DDX10: variants seen among roughly 807,000 people sequenced by gnomAD.
The protein encoded by DDX10 is probable ATP-dependent RNA helicase DDX10.
Under a neutral mutation model 104.3 loss-of-function variants are expected in DDX10, and 74 were observed. The observed-to-expected ratio is 0.71, with a 90% CI of 0.59 to 0.86. DDX10 has a LOEUF of 0.86. Ranked by LOEUF, DDX10 falls within the 40% of genes least tolerant of loss-of-function variation. The probability of loss-of-function intolerance (pLI) is 0.00; values close to 1 mark genes in which losing one functional copy is unlikely to be tolerated. For missense variants in DDX10, 952 were observed against 1,040.0 expected, an observed-to-expected ratio of 0.92 and a Z score of 1.16; for synonymous variants, 351 against 353.4, an observed-to-expected ratio of 0.99 and a Z score of 0.08.
intron 13 of DDX10, among the ~76,000 whole-genome samples, chr11:108,746,503 A>G (rs1231925192): frequency 6.6e-6 from 1 of 152,188 alleles, no homozygotes; most frequent in East Asian, 1.9e-4. Context: ...GCTGCTACAA[A>G]CATTGATGTA....
intron 15 of DDX10, among the ~76,000 whole-genome samples, chr11:108,851,621 T>G (rs1175296198): frequency 6.7e-6 from 1 of 149,284 alleles, no homozygotes; most frequent in Non-Finnish European, 1.5e-5. Context: ...AAGTCACATC[T>G]GTTAATGTTT....
chr11:108,822,206 C>T, intron 13 of DDX10: 1 of 194,872 alleles, frequency 5.1e-6, no homozygotes, highest in Non-Finnish European at 1.0e-5. Flanking sequence ...ATCAGGACTG[C>T]CCAACAAAAT....
chr11:108,792,345 T>A (rs1861881913), intron 13 of DDX10, among the ~76,000 whole-genome samples: 1 of 152,216 alleles, frequency 6.6e-6, no homozygotes, highest in Non-Finnish European at 1.5e-5. Context: ...CTTAACAAGG[T>A]CACAAAGGTT....
chr11:108,757,215 C>T (rs1171016438), intron 13 of DDX10, among the ~76,000 whole-genome samples: 1 of 152,082 alleles, frequency 6.6e-6, no homozygotes, highest in East Asian at 1.9e-4. Context: ...TTTCCTCTCT[C>T]TCTGCAAGAA....
intron 15 of DDX10, among the ~76,000 whole-genome samples, chr11:108,846,479 T>A (rs896857286): frequency 2.0e-5 from 3 of 152,188 alleles, no homozygotes; most frequent in Non-Finnish European, 4.4e-5. Context: ...TCTACTTCTG[T>A]GAGCTCTTAC....
chr11:108,683,869 G>T (rs933329012), intron 6 of DDX10, among the ~76,000 whole-genome samples: 2 of 152,108 alleles, frequency 1.3e-5, no homozygotes, highest in Non-Finnish European at 2.9e-5. Context: ...AGCAGTATTT[G>T]TTTTTGGTGG....
intron 16 of DDX10, among the ~76,000 whole-genome samples, chr11:108,904,589 G>T (rs1863565604): frequency 1.3e-5 from 2 of 152,148 alleles, no homozygotes; most frequent in Admixed American, 6.5e-5. Flanking sequence ...AAATGGACTG[G>T]GTTCCTACTT....
chr11:108,757,366 AT>A (rs1486837760), intron 13 of DDX10, among the ~76,000 whole-genome samples: 4 of 152,088 alleles, frequency 2.6e-5, no homozygotes, highest in Admixed American at 2.0e-4. Flanking sequence ...CCAGCTAAAA[AT>A]ATTTACTGTT....
At chr11:108,856,019 T>C (rs578026245) in intron 16 of DDX10, among the ~76,000 whole-genome samples, 1 of 152,328 alleles carries the variant, frequency 6.6e-6, no homozygotes, top group South Asian at 2.1e-4. Flanking sequence ...ACTTAACAAA[T>C]AGTGGTTTTA....
intron 17 of DDX10, among the ~76,000 whole-genome samples, chr11:108,939,924 A>T (rs917305924): frequency 6.6e-6 from 1 of 152,154 alleles, no homozygotes; most frequent in African/African-American, 2.4e-5. Context: ...GTGTGGCAGG[A>T]CAAGCACACA....
intron 13 of DDX10, among the ~76,000 whole-genome samples, chr11:108,783,166 T>C (rs1298735213): frequency 6.6e-6 from 1 of 152,204 alleles, no homozygotes; most frequent in Non-Finnish European, 1.5e-5. Context: ...GACTATTTCT[T>C]CTATTAGACT....
At chr11:108,715,746 G>A (rs572475525) in intron 10 of DDX10, 133 bp from the exon 11 acceptor site, 16 of 594,314 alleles carry the variant, frequency 2.7e-5, no homozygotes, top group Middle Eastern at 2.9e-4. Context: ...TTTAATTTCC[G>A]TCTAATCTGA....
chr11:108,937,708 C>G (rs1591133333), intron 17 of DDX10, among the ~76,000 whole-genome samples: 1 of 152,184 alleles, frequency 6.6e-6, no homozygotes, highest in East Asian at 1.9e-4. Flanking sequence ...AAATGGCACA[C>G]CAGACATTAC....
intron 14 of DDX10, among the ~76,000 whole-genome samples, chr11:108,839,057 T>A (rs374028154): frequency 4.4e-4 from 67 of 152,328 alleles, no homozygotes; most frequent in African/African-American, 1.5e-3. Context: ...AATTCACCTT[T>A]CCCTTAGCCG....
At chr11:108,927,980 T>TC (rs1267866388) in intron 17 of DDX10, among the ~76,000 whole-genome samples, 1 of 152,208 alleles carries the variant, frequency 6.6e-6, no homozygotes, top group East Asian at 1.9e-4. Flanking sequence ...GATTATTGTG[T>TC]CCTCGCAGCC....
At chr11:108,697,230 T>C (rs1395243867) in intron 9 of DDX10, among the ~76,000 whole-genome samples, 1 of 151,584 alleles carries the variant, frequency 6.6e-6, no homozygotes, top group African/African-American at 2.4e-5. Flanking sequence ...AATGCTTTTT[T>C]TTTTTTTTTT....
At chr11:108,698,715 A>G (rs2094263293) in intron 9 of DDX10, among the ~76,000 whole-genome samples, 1 of 152,240 alleles carries the variant, frequency 6.6e-6, no homozygotes, top group Non-Finnish European at 1.5e-5. Flanking sequence ...CTTCTAAAAC[A>G]TAAGTCGGAT....
At chr11:108,871,021 A>G (rs73558654) in intron 16 of DDX10, among the ~76,000 whole-genome samples, 2,740 of 152,358 alleles carry the variant, frequency 0.018, 97 homozygotes, top group African/African-American at 0.063. Flanking sequence ...TTTCAGAGGC[A>G]GAACAGTAAA....
chr11:108,802,556 C>G (rs1208951039), intron 13 of DDX10, among the ~76,000 whole-genome samples: 1 of 152,172 alleles, frequency 6.6e-6, no homozygotes, highest in Non-Finnish European at 1.5e-5. Flanking sequence ...TGCCATTTCT[C>G]TCTTCTGGTT....
Sources: allele counts gnomAD v4.1 joint callset (sites outside exome capture counted in the v4.1 genomes callset), GRCh38; gene constraint gnomAD v4.1.1; transcripts MANE v1.5; gene names NCBI Gene and HGNC (gene_info 2026-07-23, HGNC 2026-07-21).